The following AFG3L2 variants were observed in gnomAD, a reference collection of about 807,000 sequenced individuals.
The protein encoded by AFG3L2 is mitochondrial inner membrane m-AAA protease component AFG3L2.
In AFG3L2, 54 loss-of-function variants were observed where a neutral mutation model predicts 94.5. That is an observed-to-expected ratio of 0.57 (90% CI 0.46 to 0.72). The LOEUF (loss-of-function observed/expected upper bound fraction) is 0.72, where lower values mean the gene tolerates loss of function less well. AFG3L2 is among the 30% of genes least tolerant of loss of function. The pLI, the probability that AFG3L2 is intolerant of heterozygous loss-of-function variation, is 0.00. For missense variants in AFG3L2, 754 were observed against 994.9 expected (o/e 0.76, Z 3.26); for synonymous variants, 377 against 365.5 (o/e 1.03, Z -0.36).
At chr18:12,373,546 G>A (rs575384716) in intron 1 of AFG3L2, among the ~76,000 whole-genome samples, 1 of 152,302 alleles carries the variant, frequency 6.6e-6, no homozygotes, top group East Asian at 1.9e-4. Context: ...ATATTGCCAC[G>A]TCTTAGTCTT....
chr18:12,339,823 T>C (rs1456559027), intron 15 of AFG3L2, among the ~76,000 whole-genome samples: 1 of 135,516 alleles, frequency 7.4e-6, no homozygotes, highest in Non-Finnish European at 1.5e-5. Context: ...CACTCCAGCC[T>C]GGGCAAGAGT....
chr18:12,332,030 A>G (rs1255802993), intron 16 of AFG3L2, among the ~76,000 whole-genome samples: 2 of 152,064 alleles, frequency 1.3e-5, no homozygotes, highest in Non-Finnish European at 2.9e-5. Flanking sequence ...GTGTGACGGT[A>G]TCATGAGAAG....
intron 6 of AFG3L2, among the ~76,000 whole-genome samples, chr18:12,361,183 A>G (rs1908648658): frequency 6.6e-6 from 1 of 152,146 alleles, no homozygotes; most frequent in Non-Finnish European, 1.5e-5. Context: ...CCCCCTGGCC[A>G]CCATGGTCTC....
chr18:12,343,935 TTAAA>T, intron 14 of AFG3L2, 193 bp downstream of exon 14: 2 of 615,142 alleles, frequency 3.3e-6, no homozygotes, highest in Non-Finnish European at 2.9e-6. Context: ...TGTGGTCCCT[TTAAA>T]TAATTTTCTG....
At chr18:12,369,879 A>AC (rs1044943010) in intron 3 of AFG3L2, among the ~76,000 whole-genome samples, 2 of 146,918 alleles carry the variant, frequency 1.4e-5, no homozygotes, top group Non-Finnish European at 3.0e-5. Flanking sequence ...ACACAGCGAA[A>AC]CCCCGTCTCT....
rs141328885 is a variant in AFG3L2 at position 12,353,182 on chromosome 18, C to T, written c.1165-24G>A. On this transcript the variant is annotated intron_variant, in intron 9 of 16. Transcript: ENST00000269143. ...ACCTTGGCAAAAACAGAAAGAGAGTCACCTGACCAGAGAATATTATGTATT... is the reference window on the plus strand; with the variant it reads ...ACCTTGGCAAAAACAGAAAGAGAGTTACCTGACCAGAGAATATTATGTATT... 5,836 of 1,613,168 alleles carry T rather than the reference C, an allele frequency of 3.6e-3. 13 individuals carry two copies. Among genetic ancestry groups the T allele is most frequent in the Non-Finnish European group, 4.5e-3 (5,355 of 1,179,430 alleles).
intron 6 of AFG3L2, chr18:12,360,270 C>T (rs756610182): frequency 7.5e-6 from 4 of 530,334 alleles, no homozygotes; most frequent in South Asian, 5.1e-5. Flanking sequence ...TCTTTAGCAG[C>T]AATATCTCAG....
chr18:12,340,795 A>T (rs969690359), intron 14 of AFG3L2: 2 of 232,740 alleles, frequency 8.6e-6, no homozygotes, highest in Admixed American at 5.2e-5. Context: ...GGGTTTCACC[A>T]TGTTGGTCAG....
In AFG3L2 at chr18:12,370,841, A is replaced by G; in HGVS notation, c.292+8T>C. On this transcript the variant is annotated splice_region_variant and intron_variant, in intron 3 of 16. Transcript: ENST00000269143. ...ACAAAATTCAAATATAATATTGTCAAAAGGTACCTTTTTTCTCTCCCATAA... is the reference window on the plus strand; with the variant it reads ...ACAAAATTCAAATATAATATTGTCAGAAGGTACCTTTTTTCTCTCCCATAA... 5 of 1,556,552 alleles carry G rather than the reference A, an allele frequency of 3.2e-6. No individual in the cohort carries two copies. The highest frequency in any genetic ancestry group is 4.4e-6 in the Non-Finnish European group (5 of 1,130,744).
At chr18:12,345,228 C>T (rs1175841924) in intron 13 of AFG3L2, among the ~76,000 whole-genome samples, 1 of 152,230 alleles carries the variant, frequency 6.6e-6, no homozygotes, top group East Asian at 1.9e-4. Flanking sequence ...CCACAAGACC[C>T]GTGCTGCAGC....
intron 1 of AFG3L2, among the ~76,000 whole-genome samples, chr18:12,374,463 G>A (rs1230589674): frequency 1.3e-5 from 2 of 152,084 alleles, no homozygotes; most frequent in East Asian, 3.9e-4. Context: ...GAACATAAAG[G>A]AAAACCTGTC....
intron 1 of AFG3L2, among the ~76,000 whole-genome samples, chr18:12,373,158 T>C (rs763076630): frequency 4.4e-4 from 67 of 152,316 alleles, no homozygotes; most frequent in Non-Finnish European, 8.4e-4. Flanking sequence ...CTGAGTGCAA[T>C]ACTGGCCTGG....
chr18:12,333,022 T>TA (rs2143090836), intron 16 of AFG3L2, among the ~76,000 whole-genome samples: 2 of 79,632 alleles, frequency 2.5e-5, no homozygotes, highest in African/African-American at 4.3e-5. Context: ...AATATATTAA[T>TA]AATATATAAA....
chr18:12,372,878 A>C (rs1229014278), intron 1 of AFG3L2, among the ~76,000 whole-genome samples: 1 of 152,234 alleles, frequency 6.6e-6, no homozygotes, highest in Non-Finnish European at 1.5e-5. Context: ...AGTTGGGGGA[A>C]TGATTACAGA....
At chr18:12,331,797 G>GTAAATAAA (rs1315384530) in intron 16 of AFG3L2, among the ~76,000 whole-genome samples, 53 of 88,500 alleles carry the variant, frequency 6.0e-4, no homozygotes, top group African/African-American at 2.1e-3. Flanking sequence ...CTGTCTAAAA[G>GTAAATAAA]TAAATAAATA....
At chr18:12,374,370 C>T (rs950728698) in intron 1 of AFG3L2, among the ~76,000 whole-genome samples, 2 of 152,232 alleles carry the variant, frequency 1.3e-5, no homozygotes, top group East Asian at 1.9e-4. Context: ...GGCATCACAC[C>T]TGAGAACTCA....
At chr18:12,367,220 A>G (rs538480091) in intron 4 of AFG3L2, 56 bp downstream of exon 4, 68 of 1,612,764 alleles carry the variant, frequency 4.2e-5, no homozygotes, top group Non-Finnish European at 5.5e-5. Flanking sequence ...ATGCCTCCCA[A>G]CCTTCTCTGG....
In AFG3L2 at chr18:12,365,319, G is replaced by C. The variant is rs1908772578; in HGVS notation, c.553-1463C>G. On this transcript the variant is annotated intron_variant, in intron 5 of 16. Transcript: ENST00000269143. The stretch of plus-strand genomic sequence containing the variant: ...CCTCGAGGACCTGCCATCCCAATCA[G>C]AAGGACGGCTGCAGCCCAGTCCACA... 3.3e-5 allele frequency among the ~76,000 whole-genome samples: 5 copies of C among 152,184 alleles called. No individual in the cohort carries two copies. The South Asian group carries it at 1.0e-3, about 32-fold the overall frequency.
chr18:12,365,608 T>C (rs758739717), intron 5 of AFG3L2, among the ~76,000 whole-genome samples: 2 of 152,180 alleles, frequency 1.3e-5, no homozygotes, highest in Non-Finnish European at 2.9e-5. Context: ...AGGGGAAACA[T>C]AAACTGAAGT....
Sources: allele counts gnomAD v4.1 joint callset (sites outside exome capture counted in the v4.1 genomes callset), GRCh38; gene constraint gnomAD v4.1.1; transcripts MANE v1.5; gene names NCBI Gene and HGNC (gene_info 2026-07-23, HGNC 2026-07-21).